Variants in PIP5K1B observed in about 807,000 individuals in gnomAD.
PIP5K1B encodes the protein phosphatidylinositol-4-phosphate 5-kinase type 1 beta.
A neutral mutation model predicts 67.0 loss-of-function variants in PIP5K1B; 42 were observed. That is an observed-to-expected ratio of 0.63 (90% CI 0.49 to 0.81). PIP5K1B has a LOEUF of 0.81. Ranked by LOEUF, PIP5K1B falls within the 30% of genes least tolerant of loss-of-function variation. The pLI, the probability that PIP5K1B is intolerant of heterozygous loss-of-function variation, is 0.00. For missense variants in PIP5K1B, 459 were observed against 646.3 expected (o/e 0.71, Z 3.14); for synonymous variants, 214 against 231.4 (o/e 0.92, Z 0.68).
At chr9:68,926,299 A>G (rs951925270) in intron 12 of PIP5K1B, among the ~76,000 whole-genome samples, 1 of 152,012 alleles carries the variant, frequency 6.6e-6, no homozygotes, top group East Asian at 1.9e-4. Context: ...GGTACAATCA[A>G]TGGCATCTTC....
rs1241169878 is a variant in PIP5K1B at position 68,990,507 on chromosome 9, GA to G, written c.1503-631del. Among the ~76,000 whole-genome samples the G allele has an allele frequency of 1.0e-3, 159 of 151,444 alleles. 3 individuals are homozygous for G. Among genetic ancestry groups the G allele is most frequent in the Non-Finnish European group, 3.4e-4 (23 of 67,910 alleles). ...TAAATACTGTAAATTGAAGCAGCAA[GA>G]ACTAATCATTCAAAGTCAAAGATAA... On this transcript the variant is annotated intron_variant, in intron 14 of 15. Transcript: ENST00000265382.
intron 2 of PIP5K1B, among the ~76,000 whole-genome samples, chr9:68,763,250 A>G (rs10511965): frequency 0.23 from 34,884 of 152,058 alleles, 5,232 homozygotes; most frequent in Middle Eastern, 0.32. Context: ...AGCATGCTAC[A>G]TTTACAAGAC....
chr9:68,725,449 A>C (rs1441563407), intron 1 of PIP5K1B, among the ~76,000 whole-genome samples: 1 of 152,214 alleles, frequency 6.6e-6, no homozygotes, highest in African/African-American at 2.4e-5. Flanking sequence ...TTAGAACAAA[A>C]GCATTGCACA....
chr9:69,003,357 A>G (rs1830910371), intron 15 of PIP5K1B, among the ~76,000 whole-genome samples: 1 of 151,990 alleles, frequency 6.6e-6, no homozygotes, highest in African/African-American at 2.4e-5. Context: ...CGTCAAAGAT[A>G]TTTGGGACAA....
intron 14 of PIP5K1B, among the ~76,000 whole-genome samples, chr9:68,961,295 T>G (rs1400105775): frequency 6.6e-6 from 1 of 152,016 alleles, no homozygotes; most frequent in Admixed American, 6.5e-5. Flanking sequence ...TGCTGGGGAT[T>G]TTGGGGAAAT....
At chr9:68,962,167 A>G (rs1828786198) in intron 14 of PIP5K1B, among the ~76,000 whole-genome samples, 1 of 152,242 alleles carries the variant, frequency 6.6e-6, no homozygotes, top group Non-Finnish European at 1.5e-5. Flanking sequence ...TACAGTATGA[A>G]CTATCAAGAT....
At chr9:68,927,306 T>A (rs1826759555) in intron 12 of PIP5K1B, among the ~76,000 whole-genome samples, 2 of 152,230 alleles carry the variant, frequency 1.3e-5, no homozygotes, top group South Asian at 4.1e-4. Context: ...AATTGCTGGG[T>A]CAGATGGTAA....
At chr9:68,922,355 G>C (rs1826446161) in intron 11 of PIP5K1B, among the ~76,000 whole-genome samples, 2 of 151,660 alleles carry the variant, frequency 1.3e-5, no homozygotes, top group South Asian at 4.2e-4. Flanking sequence ...CGCAGCTACT[G>C]ATGATGCCGA....
chr9:68,822,690 G>A lies in PIP5K1B; in HGVS notation c.69+7G>A. ...AGAAAAAACCTATAAAAAGGTGAGT[G>A]TGCATTTTATTTTCTAAAGAGGAAC... On this transcript the variant is annotated splice_region_variant and intron_variant, in intron 4 of 15. Coordinates refer to ENST00000265382, the MANE Select transcript of PIP5K1B (RefSeq NM_003558.4). 1 of 1,600,204 alleles carries A rather than the reference G, an allele frequency of 6.2e-7. No individual in the cohort carries two copies. The highest frequency in any genetic ancestry group is 8.6e-7 in the Non-Finnish European group (1 of 1,168,334).
intron 1 of PIP5K1B, among the ~76,000 whole-genome samples, chr9:68,732,989 A>C (rs1365622274): frequency 6.6e-6 from 1 of 152,098 alleles, no homozygotes; most frequent in African/African-American, 2.4e-5. Flanking sequence ...ACCTGTACCA[A>C]TTTTGATGCT....
At chr9:68,807,608 G>A (rs145852323) in intron 2 of PIP5K1B, among the ~76,000 whole-genome samples, 2 of 152,274 alleles carry the variant, frequency 1.3e-5, no homozygotes, top group Admixed American at 6.5e-5. Flanking sequence ...TGACATAAAC[G>A]CAGAAATACT....
chr9:68,970,988 G>T (rs1215701394), intron 14 of PIP5K1B, among the ~76,000 whole-genome samples: 2 of 152,074 alleles, frequency 1.3e-5, no homozygotes. Flanking sequence ...TATTATTTAT[G>T]TATTTATTTA....
chr9:68,944,003 C>T (rs1032488220), intron 14 of PIP5K1B, among the ~76,000 whole-genome samples: 1 of 151,564 alleles, frequency 6.6e-6, no homozygotes, highest in Non-Finnish European at 1.5e-5. Flanking sequence ...TGATAGCAAC[C>T]CATTCTTTTT....
chr9:68,743,018 ACT>A (rs1829090869), intron 2 of PIP5K1B, among the ~76,000 whole-genome samples: 2 of 152,214 alleles, frequency 1.3e-5, no homozygotes, highest in Middle Eastern at 3.4e-3. Flanking sequence ...TCATTTGTTC[ACT>A]CACTCATCAG....
chr9:68,942,288 G>T (rs1564254903), intron 14 of PIP5K1B, among the ~76,000 whole-genome samples: 1 of 152,168 alleles, frequency 6.6e-6, no homozygotes, highest in Non-Finnish European at 1.5e-5. Context: ...CTGGAAGGTT[G>T]CAGGAAGTTC....
intron 4 of PIP5K1B, among the ~76,000 whole-genome samples, chr9:68,830,792 C>T (rs993796705): frequency 2.6e-5 from 4 of 152,108 alleles, no homozygotes; most frequent in African/African-American, 7.2e-5. Flanking sequence ...AACTGTGGCC[C>T]ATGTTCTCAG....
intron 6 of PIP5K1B, among the ~76,000 whole-genome samples, chr9:68,888,642 T>C (rs1240634574): frequency 6.6e-6 from 1 of 152,228 alleles, no homozygotes; most frequent in African/African-American, 2.4e-5. Context: ...CTTCACTTGT[T>C]ATTTTATGGA....
chr9:68,779,921 A>G (rs780892113), intron 2 of PIP5K1B: 16 of 461,054 alleles, frequency 3.5e-5, no homozygotes, highest in Admixed American at 7.9e-5. Flanking sequence ...CCGAAGGAAT[A>G]TACGGACTAG....
At chr9:68,892,777 G>A (rs1203996314) in intron 7 of PIP5K1B, among the ~76,000 whole-genome samples, 1 of 152,028 alleles carries the variant, frequency 6.6e-6, no homozygotes, top group African/African-American at 2.4e-5. Flanking sequence ...ACATCAAAAG[G>A]CAACACATTT....
Sources: allele counts gnomAD v4.1 joint callset (sites outside exome capture counted in the v4.1 genomes callset), GRCh38; gene constraint gnomAD v4.1.1; transcripts MANE v1.5; gene names NCBI Gene and HGNC (gene_info 2026-07-23, HGNC 2026-07-21).